Variants in VAT1L observed in about 807,000 individuals in gnomAD.
VAT1L encodes vesicle amine transport 1 like.
In VAT1L, 34 loss-of-function variants were observed where a neutral mutation model predicts 44.1. That is an observed-to-expected ratio of 0.77 (90% confidence interval 0.59 to 1.03). VAT1L has a LOEUF of 1.03. VAT1L is among the 50% of genes least tolerant of loss of function. The pLI is 0.00. For synonymous variants in VAT1L, 253 were observed against 202.2 expected (o/e 1.25, Z -2.13); for missense variants, 615 against 538.8 (o/e 1.14, Z -1.40).
At position 77,900,074 on chromosome 16, in the gene VAT1L, A is replaced by C. The variant is rs529457234; in HGVS notation, c.1077+15272A>C. Among the ~76,000 whole-genome samples the C allele has an allele frequency of 2.3e-4, 35 of 152,338 alleles. 1 individual carries two copies. In the South Asian group the frequency reaches 7.0e-3, roughly 31 times the overall value. On this transcript the variant is annotated intron_variant, in intron 7 of 8. Coordinates refer to ENST00000302536, the MANE Select transcript of VAT1L (RefSeq NM_020927.3). ...ACCTGACTCTACACCTTCTATTTGC[A>C]CAGCATTTACTTGCCTTTGTGGGGA...
intron 7 of VAT1L, among the ~76,000 whole-genome samples, chr16:77,938,645 A>G (rs1267635344): frequency 6.6e-6 from 1 of 152,132 alleles, no homozygotes; most frequent in African/African-American, 2.4e-5. Flanking sequence ...ACCTTCCACC[A>G]TGATGGTAAG....
At chr16:77,963,658 T>G (rs369109634) in intron 7 of VAT1L, among the ~76,000 whole-genome samples, 10 of 146,672 alleles carry the variant, frequency 6.8e-5, no homozygotes, top group African/African-American at 2.5e-4. Context: ...ACCGAGAGGC[T>G]GGGGGAACTG....
intron 1 of VAT1L, among the ~76,000 whole-genome samples, chr16:77,798,004 A>T (rs1012533197): frequency 6.6e-6 from 1 of 152,182 alleles, no homozygotes; most frequent in Admixed American, 6.5e-5. Context: ...ATCTTTGAAC[A>T]TGATATTTTC....
At chr16:77,824,699 T>G (rs1191293550) in intron 2 of VAT1L, among the ~76,000 whole-genome samples, 1 of 146,834 alleles carries the variant, frequency 6.8e-6, no homozygotes, top group Non-Finnish European at 1.5e-5. Flanking sequence ...GAGCTTGCAG[T>G]GAGCTGAGAT....
intron 4 of VAT1L, among the ~76,000 whole-genome samples, chr16:77,870,179 C>T (rs2017016310): frequency 1.3e-5 from 2 of 152,230 alleles, no homozygotes; most frequent in Non-Finnish European, 2.9e-5. Context: ...GCTTGGCACT[C>T]TGTAAGAAGC....
At chr16:77,870,105 G>GAAACA (rs2017015287) in intron 4 of VAT1L, among the ~76,000 whole-genome samples, 2 of 152,184 alleles carry the variant, frequency 1.3e-5, no homozygotes, top group Non-Finnish European at 2.9e-5. Flanking sequence ...TTACCAAGAA[G>GAAACA]CCTACCACAC....
At chr16:77,868,175 G>C (rs935475552) in intron 4 of VAT1L, among the ~76,000 whole-genome samples, 2 of 152,150 alleles carry the variant, frequency 1.3e-5, no homozygotes, top group Non-Finnish European at 2.9e-5. Context: ...TGAAAACCTC[G>C]AGTTGTATGC....
intron 7 of VAT1L, among the ~76,000 whole-genome samples, chr16:77,926,335 C>A (rs1268737976): frequency 6.6e-6 from 1 of 151,530 alleles, no homozygotes; most frequent in Non-Finnish European, 1.5e-5. Context: ...GTAATCCCAG[C>A]ACTTTGGGAG....
rs150889966 is a variant in VAT1L, at chr16:77,978,682, T to A, written c.*987T>A. On this transcript the variant is annotated 3_prime_UTR_variant, in exon 9 of 9. Transcript: ENST00000302536. The stretch of plus-strand genomic sequence containing the variant: ...AAGCATGTCCCAACATGTAACAAAC[T>A]CTAGGGATACAAAAGGTTTATATTC... The A allele has an allele frequency of 6.6e-6, 1 of 152,266 alleles. No individual in the cohort carries two copies. The highest frequency in any genetic ancestry group is 1.5e-5 in the Non-Finnish European group (1 of 68,032). The allele number at this position is 152,266 out of a possible 1,614,324, so 9.4% of individuals were successfully genotyped here. A position where few individuals can be genotyped will look rare whatever the true frequency, so the allele number is the denominator to read the frequency against.
chr16:77,951,405 G>T (rs999799611), intron 7 of VAT1L, among the ~76,000 whole-genome samples: 1 of 152,164 alleles, frequency 6.6e-6, no homozygotes, highest in African/African-American at 2.4e-5. Flanking sequence ...AAGTAGCCAG[G>T]TGTGGTGGCG....
chr16:77,826,702 T>C (rs2016527501), intron 3 of VAT1L, among the ~76,000 whole-genome samples: 1 of 152,214 alleles, frequency 6.6e-6, no homozygotes, highest in Non-Finnish European at 1.5e-5. Flanking sequence ...TACTGGGGTC[T>C]GGGTGGAACG....
intron 3 of VAT1L, among the ~76,000 whole-genome samples, chr16:77,852,277 T>C (rs2016815814): frequency 6.6e-6 from 1 of 152,136 alleles, no homozygotes; most frequent in Non-Finnish European, 1.5e-5. Flanking sequence ...TGGAGCCACC[T>C]CCTAGGAGAA....
intron 6 of VAT1L, chr16:77,881,984 A>T (rs2017159935): frequency 6.6e-6 from 1 of 152,272 alleles, no homozygotes; most frequent in South Asian, 2.1e-4. Flanking sequence ...CAATGAAGGC[A>T]TTCATAAATG....
chr16:77,798,142 A>G (rs1252829612), intron 1 of VAT1L, among the ~76,000 whole-genome samples: 2 of 152,176 alleles, frequency 1.3e-5, no homozygotes, highest in South Asian at 2.1e-4. Context: ...ACCCAAAGCC[A>G]AAGCATTGGG....
intron 3 of VAT1L, among the ~76,000 whole-genome samples, chr16:77,836,069 G>A (rs2016635776): frequency 6.6e-6 from 1 of 152,002 alleles, no homozygotes; most frequent in South Asian, 2.1e-4. Context: ...CCAGCCTTAG[G>A]TATTACTTGT....
At chr16:77,876,044 G>C (rs1007583411) in intron 4 of VAT1L, among the ~76,000 whole-genome samples, 2 of 152,144 alleles carry the variant, frequency 1.3e-5, no homozygotes, top group Non-Finnish European at 2.9e-5. Context: ...CTTTACGAAG[G>C]ATAAAGCTGA....
intron 4 of VAT1L, among the ~76,000 whole-genome samples, chr16:77,868,333 C>T (rs1326190184): frequency 6.6e-6 from 1 of 152,094 alleles, no homozygotes; most frequent in African/African-American, 2.4e-5. Flanking sequence ...ATTAGTGAGG[C>T]CTACAAACAG....
At chr16:77,960,585 C>G (rs2018150503) in intron 7 of VAT1L, among the ~76,000 whole-genome samples, 1 of 152,192 alleles carries the variant, frequency 6.6e-6, no homozygotes, top group African/African-American at 2.4e-5. Context: ...GAAATATCTT[C>G]ATTCTCCTTT....
At chr16:77,946,968 T>C (rs754493231) in intron 7 of VAT1L, among the ~76,000 whole-genome samples, 2 of 152,192 alleles carry the variant, frequency 1.3e-5, no homozygotes, top group South Asian at 2.1e-4. Context: ...CCCCTTACTT[T>C]AATTCCCTGT....
Sources: allele counts gnomAD v4.1 joint callset (sites outside exome capture counted in the v4.1 genomes callset), GRCh38; gene constraint gnomAD v4.1.1; transcripts MANE v1.5; gene names NCBI Gene and HGNC (gene_info 2026-07-23, HGNC 2026-07-21).